The following CAMK2D variants were observed in gnomAD, a reference collection of about 807,000 sequenced individuals.
CAMK2D encodes the protein calcium/calmodulin dependent protein kinase II delta.
Under a neutral mutation model 84.0 loss-of-function variants are expected in CAMK2D, and 37 were observed. The ratio of observed to expected loss-of-function variants is 0.44; its 90% confidence interval spans 0.34 to 0.58. The LOEUF (loss-of-function observed/expected upper bound fraction) is 0.58. CAMK2D is among the 20% of genes least tolerant of loss of function. The pLI is 0.02. For synonymous variants in CAMK2D, 202 were observed against 212.5 expected (o/e 0.95, Z 0.43); for missense variants, 448 against 652.5 (o/e 0.69, Z 3.41).
At chr4:113,630,513 G>C (rs933562840) in intron 3 of CAMK2D, among the ~76,000 whole-genome samples, 2 of 152,078 alleles carry the variant, frequency 1.3e-5, no homozygotes, top group African/African-American at 2.4e-5. Flanking sequence ...TCAGGAATAA[G>C]TTTCCAGAAA....
At chr4:113,506,187 G>A (rs968414576) in intron 13 of CAMK2D, among the ~76,000 whole-genome samples, 1 of 152,014 alleles carries the variant, frequency 6.6e-6, no homozygotes, top group Non-Finnish European at 1.5e-5. Context: ...CGGGTTTTCT[G>A]GAAGTCTATA....
At chr4:113,654,501 T>C (rs1245489175) in intron 3 of CAMK2D, among the ~76,000 whole-genome samples, 1 of 152,032 alleles carries the variant, frequency 6.6e-6, no homozygotes, top group Non-Finnish European at 1.5e-5. Context: ...GTAAAGGCTT[T>C]CTCTTCCTGT....
intron 4 of CAMK2D, among the ~76,000 whole-genome samples, chr4:113,557,140 C>T (rs1479520471): frequency 6.6e-6 from 1 of 152,226 alleles, no homozygotes; most frequent in Non-Finnish European, 1.5e-5. Context: ...ATGTCACCAG[C>T]CTAAGTCTCT....
intron 2 of CAMK2D, among the ~76,000 whole-genome samples, chr4:113,668,615 A>G (rs995864057): frequency 3.9e-5 from 6 of 152,192 alleles, no homozygotes; most frequent in Non-Finnish European, 7.4e-5. Context: ...TATAAAAATA[A>G]CTGTTTTTCA....
chr4:113,505,386 C>A (rs2154154565), intron 13 of CAMK2D, among the ~76,000 whole-genome samples: 1 of 152,306 alleles, frequency 6.6e-6, no homozygotes, highest in South Asian at 2.1e-4. Context: ...TTCCAAGCTT[C>A]CAATTGTTCA....
intron 16 of CAMK2D, among the ~76,000 whole-genome samples, chr4:113,484,787 T>C (rs2097749198): frequency 6.6e-6 from 1 of 152,200 alleles, no homozygotes; most frequent in Non-Finnish European, 1.5e-5. Flanking sequence ...TCCTGAATTA[T>C]GTTTCATCTT....
At chr4:113,566,552 A>C (rs1046546685) in intron 4 of CAMK2D, among the ~76,000 whole-genome samples, 4 of 152,192 alleles carry the variant, frequency 2.6e-5, no homozygotes, top group Non-Finnish European at 4.4e-5. Flanking sequence ...AACACACAGC[A>C]TAATATCTAA....
At chr4:113,692,663 T>G (rs1393970338) in intron 2 of CAMK2D, among the ~76,000 whole-genome samples, 1 of 152,000 alleles carries the variant, frequency 6.6e-6, no homozygotes, top group East Asian at 1.9e-4. Flanking sequence ...TACATACATA[T>G]ATTCATACAT....
At chr4:113,679,915 T>C (rs555158225) in intron 2 of CAMK2D, among the ~76,000 whole-genome samples, 1 of 152,214 alleles carries the variant, frequency 6.6e-6, no homozygotes, top group Non-Finnish European at 1.5e-5. Context: ...CTAAAGTGAC[T>C]GAACCTTTCT....
At chr4:113,712,055 C>A (rs72895986) in intron 2 of CAMK2D, among the ~76,000 whole-genome samples, 4,832 of 152,168 alleles carry the variant, frequency 0.032, 264 homozygotes, top group African/African-American at 0.11. Context: ...CCTTAAACTT[C>A]CACTTTTAGA....
chr4:113,575,384 G>A (rs1182243124), intron 4 of CAMK2D, among the ~76,000 whole-genome samples: 4 of 152,090 alleles, frequency 2.6e-5, no homozygotes, highest in Admixed American at 2.6e-4. Context: ...GCTCCTTTGA[G>A]CTCCAAAACT....
intron 2 of CAMK2D, among the ~76,000 whole-genome samples, chr4:113,713,448 T>C (rs192954007): frequency 9.4e-5 from 14 of 148,380 alleles, no homozygotes; most frequent in Admixed American, 8.8e-4. Context: ...AAACTTGTGA[T>C]AGTTTGCATT....
intron 17 of CAMK2D, among the ~76,000 whole-genome samples, chr4:113,460,621 A>G (rs1234863584): frequency 6.6e-6 from 1 of 151,816 alleles, no homozygotes; most frequent in African/African-American, 2.4e-5. Context: ...AGTGTAAGAC[A>G]CTCTCCAAAT....
At position 113,703,996 on chromosome 4, in the gene CAMK2D, T is replaced by C. The variant is rs1018051742; in HGVS notation, c.161-42224A>G. 2.0e-5 allele frequency among the ~76,000 whole-genome samples: 3 copies of C among 150,230 alleles called. No individual in the cohort carries two copies. The South Asian group carries it at 6.3e-4, about 32-fold the overall frequency. ...GATGGCTTCTTAAATCTCAAATACC[T>C]GAAAACCTTTTTGCTTGTTTTTGTA... On this transcript the variant is annotated intron_variant, in intron 2 of 20. Coordinates refer to ENST00000511664, the MANE Select transcript of CAMK2D (RefSeq NM_001321571.2).
intron 6 of CAMK2D, among the ~76,000 whole-genome samples, chr4:113,542,437 C>T (rs569161019): frequency 2.6e-4 from 40 of 152,126 alleles, no homozygotes; most frequent in African/African-American, 9.4e-4. Flanking sequence ...ATTTACTGGC[C>T]GGGCGCTGTG....
chr4:113,636,426 G>C (rs1274258670), intron 3 of CAMK2D, among the ~76,000 whole-genome samples: 2 of 152,190 alleles, frequency 1.3e-5, no homozygotes, highest in Non-Finnish European at 2.9e-5. Context: ...ATAGCAGCCA[G>C]AGTGATCCTC....
intron 4 of CAMK2D, among the ~76,000 whole-genome samples, chr4:113,558,936 C>T (rs752184830): frequency 1.3e-5 from 2 of 152,020 alleles, no homozygotes; most frequent in African/African-American, 4.8e-5. Context: ...GAGCCATGAT[C>T]GTACCACTGC....
At chr4:113,495,006 C>T (rs577184999) in intron 16 of CAMK2D, among the ~76,000 whole-genome samples, 90 of 152,302 alleles carry the variant, frequency 5.9e-4, no homozygotes, top group Non-Finnish European at 4.7e-4. Context: ...GGCTCACGCA[C>T]GGTGCGCGCA....
intron 2 of CAMK2D, among the ~76,000 whole-genome samples, chr4:113,679,685 TAAA>T (rs1311855143): frequency 6.6e-6 from 1 of 152,084 alleles, no homozygotes; most frequent in Non-Finnish European, 1.5e-5. Context: ...AAAGAACAAA[TAAA>T]GAAATACTAG....
Sources: allele counts gnomAD v4.1 joint callset (sites outside exome capture counted in the v4.1 genomes callset), GRCh38; gene constraint gnomAD v4.1.1; transcripts MANE v1.5; gene names NCBI Gene and HGNC (gene_info 2026-07-23, HGNC 2026-07-21).